The following CPQ variants were observed in gnomAD, a reference collection of about 807,000 sequenced individuals.
CPQ encodes the protein Ser-Met dipeptidase.
A neutral mutation model predicts 45.7 loss-of-function variants in CPQ; 37 were observed. The ratio of observed to expected loss-of-function variants is 0.81; its 90% confidence interval spans 0.62 to 1.07. The LOEUF is 1.07. CPQ is among the 50% of genes least tolerant of loss of function. The pLI is 0.00. For synonymous variants in CPQ, 186 were observed against 205.8 expected (o/e 0.90, Z 0.82); for missense variants, 537 against 572.9 (o/e 0.94, Z 0.64).
chr8:97,072,929 C>T (rs1470080239), intron 7 of CPQ, among the ~76,000 whole-genome samples: 1 of 152,116 alleles, frequency 6.6e-6, no homozygotes, highest in African/African-American at 2.4e-5. Flanking sequence ...GACAAAATGT[C>T]CATGACTCAA....
At chr8:97,055,629 T>C (rs1414303210) in intron 6 of CPQ, 2 of 152,154 alleles carry the variant, frequency 1.3e-5, no homozygotes, top group South Asian at 2.1e-4. Flanking sequence ...GGGAAACTGA[T>C]GGGAAGTTGT....
chr8:97,135,400 A>C (rs1360231365), intron 7 of CPQ, among the ~76,000 whole-genome samples: 2 of 152,188 alleles, frequency 1.3e-5, no homozygotes, highest in Middle Eastern at 3.4e-3. Flanking sequence ...TCTAATTTTC[A>C]ATAAGATTTA....
chr8:96,795,458 T>A (rs1193667799), intron 2 of CPQ, among the ~76,000 whole-genome samples: 1 of 152,202 alleles, frequency 6.6e-6, no homozygotes, highest in African/African-American at 2.4e-5. Flanking sequence ...CCAAACCATA[T>A]AATCACCTAT....
At chr8:97,075,404 A>G (rs1282599858) in intron 7 of CPQ, among the ~76,000 whole-genome samples, 1 of 152,114 alleles carries the variant, frequency 6.6e-6, no homozygotes, top group Non-Finnish European at 1.5e-5. Flanking sequence ...TTTATTTCTT[A>G]TGTTACACTT....
In CPQ at chr8:96,903,695, C is replaced by G. The variant is rs75548794; in HGVS notation, c.849+23690C>G. 1.5e-3 allele frequency among the ~76,000 whole-genome samples: 226 copies of G among 152,250 alleles called. 5 individuals are homozygous for G. In the East Asian group the frequency reaches 0.041, roughly 28 times the overall value. Reference sequence around the variant, plus strand: ...GAGAAGAGAAGTAGCTGTCAAGCAGCTAATGAGTGCTAGCACCAGATTTCA... The same window carrying G: ...GAGAAGAGAAGTAGCTGTCAAGCAGGTAATGAGTGCTAGCACCAGATTTCA... On this transcript the variant is annotated intron_variant, in intron 4 of 7. Transcript: ENST00000220763.
At chr8:97,071,519 T>C (rs868369925) in intron 7 of CPQ, among the ~76,000 whole-genome samples, 6 of 152,198 alleles carry the variant, frequency 3.9e-5, no homozygotes, top group Non-Finnish European at 5.9e-5. Context: ...TTACAAGTCC[T>C]GTTTACTCCA....
chr8:96,728,399 A>G (rs992824382), intron 1 of CPQ, among the ~76,000 whole-genome samples: 2 of 150,746 alleles, frequency 1.3e-5, no homozygotes, highest in Admixed American at 6.6e-5. Flanking sequence ...GGTGGCCCTG[A>G]CTTCACTGGA....
chr8:97,133,216 G>A (rs1005938114), intron 7 of CPQ: 1 of 151,976 alleles, frequency 6.6e-6, no homozygotes, highest in Admixed American at 6.6e-5. Context: ...TTATATTTAT[G>A]CACATGTAAA....
At chr8:96,987,096 G>C (rs537944008) in intron 5 of CPQ, among the ~76,000 whole-genome samples, 1 of 152,006 alleles carries the variant, frequency 6.6e-6, no homozygotes, top group African/African-American at 2.4e-5. Context: ...CCTACTGCTT[G>C]TATTAAAAGG....
chr8:97,143,120 T>C lies in CPQ; in HGVS notation c.1356T>C (p.Ala452=). The change falls in exon 8 of 8, where the codon GCT becomes GCC. Residue 452 remains alanine, a synonymous_variant. Transcript: ENST00000220763. ...VMDPKQMNVA[A]AVWAVVSYVV... is the part of the protein sequence containing the mutation. ...ATCCAAAGCAGATGAATGTTGCTGC[T>C]GCTGTTTGGGCTGTTGTTTCTTATG... is the stretch of plus-strand genomic sequence containing the variant. 1 of 1,614,078 alleles carries C rather than the reference T, an allele frequency of 6.2e-7. No homozygotes were observed. The highest frequency in any genetic ancestry group is 2.2e-5 in the East Asian group (1 of 44,882).
At chr8:97,001,775 A>G (rs1809287706) in intron 5 of CPQ, among the ~76,000 whole-genome samples, 1 of 144,124 alleles carries the variant, frequency 6.9e-6, no homozygotes, top group South Asian at 2.2e-4. Flanking sequence ...TATCAGGATA[A>G]CACTGGCCTA....
intron 4 of CPQ, among the ~76,000 whole-genome samples, chr8:96,917,129 A>G (rs926176842): frequency 2.0e-4 from 31 of 152,214 alleles, no homozygotes; most frequent in African/African-American, 7.2e-4. Flanking sequence ...GACAGGTACA[A>G]AGAAAGAGGC....
intron 7 of CPQ, among the ~76,000 whole-genome samples, chr8:97,129,415 G>T (rs1431889): frequency 6.6e-6 from 1 of 151,962 alleles, no homozygotes; most frequent in Non-Finnish European, 1.5e-5. Context: ...TCTGTAAAAT[G>T]AGGATAATAA....
chr8:96,889,105 G>A (rs571893989), intron 4 of CPQ, among the ~76,000 whole-genome samples: 40 of 152,194 alleles, frequency 2.6e-4, no homozygotes, highest in Non-Finnish European at 5.1e-4. Flanking sequence ...GACAGCCCAC[G>A]GTGGGTCTGA....
At chr8:96,911,921 G>T (rs1586448573) in intron 4 of CPQ, among the ~76,000 whole-genome samples, 1 of 152,290 alleles carries the variant, frequency 6.6e-6, no homozygotes, top group East Asian at 1.9e-4. Context: ...CAGACCTTTG[G>T]TCGAGTTCTG....
chr8:97,013,575 G>T (rs1452726724), intron 5 of CPQ, among the ~76,000 whole-genome samples: 3 of 152,242 alleles, frequency 2.0e-5, no homozygotes, highest in Middle Eastern at 3.4e-3. Flanking sequence ...AATTGGAGCT[G>T]GATCTTGTAA....
chr8:96,690,190 T>G (rs1403653444), intron 1 of CPQ, among the ~76,000 whole-genome samples: 1 of 152,190 alleles, frequency 6.6e-6, no homozygotes, highest in African/African-American at 2.4e-5. Context: ...GTGGCAATAT[T>G]TTTTGGATGC....
chr8:96,741,309 T>C (rs899675659), intron 1 of CPQ, among the ~76,000 whole-genome samples: 4 of 152,228 alleles, frequency 2.6e-5, no homozygotes, highest in Admixed American at 1.3e-4. Context: ...TTCTGTGGGA[T>C]GGGTGGTGAT....
chr8:97,072,910 C>T (rs1409003573), intron 7 of CPQ, among the ~76,000 whole-genome samples: 2 of 152,154 alleles, frequency 1.3e-5, no homozygotes, highest in African/African-American at 4.8e-5. Context: ...CTACAAGTGC[C>T]TGGCCCTCGA....
Sources: allele counts gnomAD v4.1 joint callset (sites outside exome capture counted in the v4.1 genomes callset), GRCh38; gene constraint gnomAD v4.1.1; transcripts MANE v1.5; gene names NCBI Gene and HGNC (gene_info 2026-07-23, HGNC 2026-07-21).